Variants in LINGO2 observed in about 807,000 individuals in gnomAD.
LINGO2 encodes leucine rich repeat and Ig domain containing 2.
A neutral mutation model predicts 30.6 loss-of-function variants in LINGO2; 14 were observed. The observed-to-expected ratio is 0.46, with a 90% CI of 0.30 to 0.72. The LOEUF (loss-of-function observed/expected upper bound fraction) is 0.72. Among genes scored for constraint, LINGO2 ranks in the 30% least tolerant of loss-of-function variants. LINGO2 has a pLI of 0.07. For synonymous variants in LINGO2, 317 were observed against 288.5 expected, an observed-to-expected ratio of 1.10 and a Z score of -1.00; for missense variants, 729 against 751.7, an observed-to-expected ratio of 0.97 and a Z score of 0.35.
At chr9:28,583,785 G>C (rs538116626) in intron 1 of LINGO2, among the ~76,000 whole-genome samples, 3 of 152,114 alleles carry the variant, frequency 2.0e-5, no homozygotes, top group African/African-American at 7.2e-5. Flanking sequence ...TGCTGACATG[G>C]TTTGAAAACA....
the LINGO2 span, among the ~76,000 whole-genome samples, chr9:28,918,888 T>C: frequency 6.6e-6 from 1 of 152,172 alleles, no homozygotes; most frequent in Non-Finnish European, 1.5e-5. Context: ...AAAACCCTAT[T>C]AGCTCATTGT....
At chr9:28,099,582 C>A (rs1826349979) in intron 4 of LINGO2, among the ~76,000 whole-genome samples, 1 of 152,200 alleles carries the variant, frequency 6.6e-6, no homozygotes, top group African/African-American at 2.4e-5. Flanking sequence ...CAAGCCACCA[C>A]TGTATCTACT....
chr9:28,790,265 C>A, the LINGO2 span, among the ~76,000 whole-genome samples: 1 of 151,708 alleles, frequency 6.6e-6, no homozygotes, highest in African/African-American at 2.4e-5. Flanking sequence ...TAGTCTAATG[C>A]TACCTCACAA....
At chr9:28,635,224 C>T (rs1223282246) in intron 1 of LINGO2, among the ~76,000 whole-genome samples, 1 of 152,098 alleles carries the variant, frequency 6.6e-6, no homozygotes, top group Non-Finnish European at 1.5e-5. Context: ...CCAAAAGAGC[C>T]TTTTTATTAG....
At chr9:28,063,771 A>G in intron 4 of LINGO2, among the ~76,000 whole-genome samples, 1 of 152,270 alleles carries the variant, frequency 6.6e-6, no homozygotes, top group African/African-American at 2.4e-5. Flanking sequence ...CCATTTTCCT[A>G]AGTTACTGAT....
intron 3 of LINGO2, among the ~76,000 whole-genome samples, chr9:28,327,840 C>A (rs1825284451): frequency 6.6e-6 from 1 of 151,778 alleles, no homozygotes; most frequent in Non-Finnish European, 1.5e-5. Flanking sequence ...ATTCAATATT[C>A]TATCATTAAA....
At chr9:27,969,824 C>A (rs138114498) in intron 5 of LINGO2, among the ~76,000 whole-genome samples, 1 of 151,890 alleles carries the variant, frequency 6.6e-6, no homozygotes, top group South Asian at 2.1e-4. Context: ...AGATCAAGGT[C>A]AGTTAGGTAG....
chr9:27,981,544 AAAAAAAGAAAAAAAAGAAAAAAAAAG>A, intron 5 of LINGO2, among the ~76,000 whole-genome samples: 1 of 121,428 alleles, frequency 8.2e-6, no homozygotes, highest in Admixed American at 8.0e-5. Flanking sequence ...CAAAAAAAAA[AAAAAAAGAAAAAAAAGAAAAAAAAAG>A]AAAAAAAAAA....
the LINGO2 span, among the ~76,000 whole-genome samples, chr9:29,194,365 T>C: frequency 9.9e-5 from 15 of 152,168 alleles, no homozygotes; most frequent in Non-Finnish European, 1.3e-4. Flanking sequence ...TTCTGCTATA[T>C]ATAGACTCTC....
the LINGO2 span, among the ~76,000 whole-genome samples, chr9:28,891,000 A>C: frequency 6.6e-6 from 1 of 152,110 alleles, no homozygotes; most frequent in African/African-American, 2.4e-5. Context: ...AATAAATGTG[A>C]TACAATCATT....
At chr9:28,196,780 T>C (rs556995167) in intron 4 of LINGO2, among the ~76,000 whole-genome samples, 3 of 151,946 alleles carry the variant, frequency 2.0e-5, no homozygotes, top group Non-Finnish European at 4.4e-5. Context: ...AATGTTATGT[T>C]AAACAAAATA....
At chr9:28,171,579 A>G (rs1234527370) in intron 4 of LINGO2, among the ~76,000 whole-genome samples, 1 of 152,180 alleles carries the variant, frequency 6.6e-6, no homozygotes, top group Admixed American at 6.5e-5. Flanking sequence ...ATCTAGCACC[A>G]TGGGATTTAC....
intron 4 of LINGO2, among the ~76,000 whole-genome samples, chr9:28,283,428 G>T (rs532430328): frequency 2.6e-5 from 4 of 152,212 alleles, no homozygotes; most frequent in African/African-American, 9.6e-5. Flanking sequence ...GTCCTAAGCT[G>T]CTTTCAAATT....
chr9:28,867,377 A>T, the LINGO2 span, among the ~76,000 whole-genome samples: 1 of 152,140 alleles, frequency 6.6e-6, no homozygotes, highest in African/African-American at 2.4e-5. Flanking sequence ...TATTGAAAAT[A>T]AACAATGCAA....
intron 3 of LINGO2, among the ~76,000 whole-genome samples, chr9:28,335,206 T>C (rs1437472415): frequency 1.3e-5 from 2 of 152,168 alleles, no homozygotes; most frequent in Non-Finnish European, 2.9e-5. Flanking sequence ...TCTCAATACA[T>C]GTCAAATGAC....
chr9:28,958,250 A>T, the LINGO2 span, among the ~76,000 whole-genome samples: 1 of 152,178 alleles, frequency 6.6e-6, no homozygotes, highest in Non-Finnish European at 1.5e-5. Flanking sequence ...GATTGTAATG[A>T]TATTGACCTC....
the LINGO2 span, among the ~76,000 whole-genome samples, chr9:28,831,845 T>C: frequency 2.0e-5 from 3 of 152,212 alleles, no homozygotes; most frequent in Non-Finnish European, 4.4e-5. Flanking sequence ...TTTTGTTTTC[T>C]GTATAAACAA....
At chr9:28,495,977 GTTTCT>G (rs1819608628) in intron 1 of LINGO2, among the ~76,000 whole-genome samples, 1 of 152,098 alleles carries the variant, frequency 6.6e-6, no homozygotes, top group Non-Finnish European at 1.5e-5. Context: ...TTTTGAGTGA[GTTTCT>G]TAAAACCTGA....
intron 1 of LINGO2, among the ~76,000 whole-genome samples, chr9:28,491,111 A>C (rs1564237562): frequency 6.6e-6 from 1 of 152,236 alleles, no homozygotes; most frequent in Non-Finnish European, 1.5e-5. Flanking sequence ...GTAACAAATT[A>C]CTACAAACTG....
Sources: allele counts gnomAD v4.1 joint callset (sites outside exome capture counted in the v4.1 genomes callset), GRCh38; gene constraint gnomAD v4.1.1; transcripts MANE v1.5; gene names NCBI Gene and HGNC (gene_info 2026-07-23, HGNC 2026-07-21).